The following MYO9B variants were observed in gnomAD, a reference collection of about 807,000 sequenced individuals.
The protein encoded by MYO9B is unconventional myosin-IXb.
MYO9B carries 71 observed loss-of-function variants against 229.5 expected under a neutral mutation model. The ratio of observed to expected loss-of-function variants is 0.31; its 90% CI spans 0.26 to 0.38. MYO9B has a LOEUF of 0.38. Ranked by LOEUF, MYO9B falls within the 10% of genes least tolerant of loss-of-function variation. MYO9B has a pLI of 1.00. For missense variants in MYO9B, 2,255 were observed against 2,920.5 expected (o/e 0.77, Z 5.25); for synonymous variants, 1,185 against 1,235.8 (o/e 0.96, Z 0.86).
At chr19:17,182,252 T>C (rs767581973) in intron 15 of MYO9B, among the ~76,000 whole-genome samples, 5 of 152,016 alleles carry the variant, frequency 3.3e-5, no homozygotes, top group Non-Finnish European at 4.4e-5. Context: ...TCTAATTTTA[T>C]TGTTTGTAGA....
intron 2 of MYO9B, among the ~76,000 whole-genome samples, chr19:17,107,313 A>G (rs1016008307): frequency 6.6e-6 from 1 of 152,206 alleles, no homozygotes; most frequent in Non-Finnish European, 1.5e-5. Context: ...CATTTTGCCA[A>G]ATGGGACTAG....
chr19:17,139,252 T>C (rs2072308349), intron 2 of MYO9B, among the ~76,000 whole-genome samples: 1 of 152,182 alleles, frequency 6.6e-6, no homozygotes, highest in Non-Finnish European at 1.5e-5. Flanking sequence ...CTGTACTGAA[T>C]ACTGTGGGCA....
chr19:17,108,869 G>A (rs1001249497), intron 2 of MYO9B, among the ~76,000 whole-genome samples: 9 of 148,058 alleles, frequency 6.1e-5, no homozygotes, highest in Non-Finnish European at 1.3e-4. Flanking sequence ...GCCCACCACC[G>A]TGCCCGGCTA....
At chr19:17,128,639 AG>A (rs2072154987) in intron 2 of MYO9B, among the ~76,000 whole-genome samples, 1 of 152,362 alleles carries the variant, frequency 6.6e-6, no homozygotes, top group South Asian at 2.1e-4. Flanking sequence ...ACCGGCGCTC[AG>A]GGTCACAGCT....
At chr19:17,080,214 G>A (rs902760420) in intron 1 of MYO9B, among the ~76,000 whole-genome samples, 31 of 152,200 alleles carry the variant, frequency 2.0e-4, no homozygotes, top group African/African-American at 4.1e-4. Flanking sequence ...AAGGAGCCCC[G>A]CTAGGGGTGT....
At position 17,195,490 on chromosome 19, in the gene MYO9B, CTT is replaced by C. The variant is rs2073033132; in HGVS notation, c.4046+20_4046+21del. 3 of 1,575,344 alleles carry C rather than the reference CTT, an allele frequency of 1.9e-6. No homozygotes were observed. The African/African-American group carries it at 4.0e-5, about 21-fold the overall frequency. ...GCCCACAGAGTAAGCCCCACACCCT[CTT>C]TTGTCTGAGCACCAGGGTCCAGGCC... is the stretch of plus-strand genomic sequence containing the variant. On this transcript the variant is annotated intron_variant, in intron 22 of 39. Coordinates refer to ENST00000682292, the MANE Select transcript of MYO9B (RefSeq NM_004145.4). The surrounding 1 kb of genome is among the most constrained non-coding windows in gnomAD (Gnocchi z 4.5).
chr19:17,130,894 G>A (rs980557065), intron 2 of MYO9B, among the ~76,000 whole-genome samples: 1 of 152,054 alleles, frequency 6.6e-6, no homozygotes, highest in Non-Finnish European at 1.5e-5. Flanking sequence ...AGTCCCATCT[G>A]TGCACTTCTT....
intron 30 of MYO9B, 27 bp downstream of exon 30, chr19:17,203,285 A>C: frequency 6.6e-7 from 1 of 1,509,440 alleles, no homozygotes; most frequent in Non-Finnish European, 9.0e-7. Context: ...CCAGGCCCCA[A>C]AACCCTCCAT....
intron 1 of MYO9B, among the ~76,000 whole-genome samples, chr19:17,080,039 C>T (rs2057520533): frequency 1.3e-5 from 2 of 152,346 alleles, no homozygotes; most frequent in South Asian, 4.1e-4. Context: ...GGGTTCTACT[C>T]ATTTCCTCAG....
At chr19:17,182,616 G>C (rs989482092) in intron 15 of MYO9B, among the ~76,000 whole-genome samples, 26 of 152,016 alleles carry the variant, frequency 1.7e-4, no homozygotes, top group African/African-American at 6.0e-4. Context: ...ATGTTGGCCA[G>C]GCTGGTCTTG....
chr19:17,151,181 G>C (rs964860579), intron 3 of MYO9B, among the ~76,000 whole-genome samples: 1 of 152,028 alleles, frequency 6.6e-6, no homozygotes, highest in African/African-American at 2.4e-5. Flanking sequence ...GGAAGGCTGA[G>C]GCAGGAGAAT....
intron 2 of MYO9B, among the ~76,000 whole-genome samples, chr19:17,138,225 T>C (rs989294980): frequency 2.4e-4 from 36 of 152,180 alleles, no homozygotes; most frequent in African/African-American, 8.4e-4. Context: ...GCAAAGGACA[T>C]GAACTCATCC....
chr19:17,182,081 T>C (rs556042602), intron 15 of MYO9B, among the ~76,000 whole-genome samples: 15 of 151,760 alleles, frequency 9.9e-5, no homozygotes, highest in Admixed American at 3.9e-4. Flanking sequence ...TTTTTTTTTT[T>C]TTTCTTTTTT....
At chr19:17,123,423 T>TC (rs1367946790) in intron 2 of MYO9B, among the ~76,000 whole-genome samples, 12 of 114,692 alleles carry the variant, frequency 1.0e-4, no homozygotes, top group Admixed American at 1.8e-4. Context: ...ACAGTAGAAA[T>TC]TTGTGTGTGT....
intron 31 of MYO9B, among the ~76,000 whole-genome samples, 196 bp from the exon 32 acceptor site, chr19:17,205,764 G>C (rs1468580638): frequency 6.6e-6 from 1 of 152,144 alleles, no homozygotes; most frequent in African/African-American, 2.4e-5. Context: ...GGAAGCCCCT[G>C]CCCAGTGGCT....
chr19:17,080,715 TAAA>T (rs1240081576), intron 1 of MYO9B, among the ~76,000 whole-genome samples: 3 of 152,116 alleles, frequency 2.0e-5, no homozygotes, highest in Non-Finnish European at 2.9e-5. Context: ...AAAAAAATAC[TAAA>T]ATTAGCTAGA....
At chr19:17,171,343 C>T (rs1176891222) in intron 11 of MYO9B, among the ~76,000 whole-genome samples, 3 of 152,128 alleles carry the variant, frequency 2.0e-5, no homozygotes. Flanking sequence ...ATCTCCCCCT[C>T]CCCGGAGCAC....
At chr19:17,190,733 A>G (rs1163646661) in intron 19 of MYO9B, among the ~76,000 whole-genome samples, 1 of 150,870 alleles carries the variant, frequency 6.6e-6, no homozygotes, top group East Asian at 2.0e-4. Context: ...ATCTTGGCTC[A>G]CTGCAACCTC....
At chr19:17,201,751 G>A (rs1487379448) in intron 26 of MYO9B, among the ~76,000 whole-genome samples, 175 bp from the exon 27 acceptor site, 4 of 152,026 alleles carry the variant, frequency 2.6e-5, no homozygotes, top group African/African-American at 9.7e-5. Flanking sequence ...AATGTCAGTG[G>A]CTTTAACTCT....
Sources: gnomAD v4.1 joint callset for allele counts (sites outside exome capture counted in the v4.1 genomes callset) on GRCh38, gnomAD v4.1.1 for gene constraint, Gnocchi (gnomAD v3.1) non-coding constraint, MANE v1.5 for transcripts, NCBI Gene and HGNC (gene_info 2026-07-23, HGNC 2026-07-21) for gene names.